TAFA1: variants seen among roughly 807,000 people sequenced by gnomAD.
TAFA1 encodes TAFA chemokine like family member 1, also known as chemokine-like protein TAFA-1.
A neutral mutation model predicts 18.5 loss-of-function variants in TAFA1; 4 were observed. The observed-to-expected ratio is 0.22, with a 90% CI of 0.11 to 0.49. The LOEUF is 0.49. Ranked by LOEUF, TAFA1 falls within the 20% of genes least tolerant of loss-of-function variation. The pLI is 0.98. For synonymous variants in TAFA1, 56 were observed against 55.2 expected, an observed-to-expected ratio of 1.01 and a Z score of -0.06; for missense variants, 147 against 169.0, an observed-to-expected ratio of 0.87 and a Z score of 0.72.
intron 2 of TAFA1, among the ~76,000 whole-genome samples, chr3:68,048,528 A>G (rs896156660): frequency 1.3e-5 from 2 of 152,196 alleles, no homozygotes; most frequent in African/African-American, 4.8e-5. Flanking sequence ...CTGTTGTACT[A>G]TCAAACACTA....
At position 68,202,037 on chromosome 3, in the gene TAFA1, A is replaced by C. The variant is rs912988230; in HGVS notation, c.118+195293A>C. ...AATCACTACTGCAAAAACAGCACCA[A>C]GTCAGCCATGAAAGCAGAAGCCTCA... On this transcript the variant is annotated intron_variant, in intron 2 of 4. Coordinates refer to ENST00000478136, the MANE Select transcript of TAFA1 (RefSeq NM_213609.4). Among the ~76,000 whole-genome samples, 4 of 151,682 alleles carry C rather than the reference A, an allele frequency of 2.6e-5. No individual in the cohort carries two copies. In the South Asian group the frequency reaches 6.2e-4, roughly 24 times the overall value.
chr3:68,320,169 A>C (rs888784886), intron 2 of TAFA1, among the ~76,000 whole-genome samples: 1 of 152,172 alleles, frequency 6.6e-6, no homozygotes, highest in African/African-American at 2.4e-5. Flanking sequence ...GAGATGGTGT[A>C]TGTTTTAAAA....
intron 3 of TAFA1, among the ~76,000 whole-genome samples, chr3:68,488,397 C>CTGA (rs2072387046): frequency 6.6e-6 from 1 of 152,196 alleles, no homozygotes; most frequent in Non-Finnish European, 1.5e-5. Flanking sequence ...GGTGGGTCTA[C>CTGA]CTTCAGTCCA....
intron 3 of TAFA1, among the ~76,000 whole-genome samples, chr3:68,498,380 C>A (rs2668163): frequency 6.6e-6 from 1 of 151,946 alleles, no homozygotes. Context: ...CAAAGATACA[C>A]CTAGGAGGCA....
rs528906116 is a variant in TAFA1, at chr3:68,433,481, C to T, written c.259+16061C>T. Among the ~76,000 whole-genome samples, 422 of 152,192 alleles carry T rather than the reference C, an allele frequency of 2.8e-3. 1 individual carries two copies. Among genetic ancestry groups the T allele is most frequent in the Admixed American group, 4.1e-3 (63 of 15,270 alleles). On this transcript the variant is annotated intron_variant, in intron 3 of 4. Transcript: ENST00000478136. The stretch of plus-strand genomic sequence containing the variant: ...ATCTTGTTCTTCCCTCTTTGGAACA[C>T]AAATTCCCACTTTAAATTACATTTT...
At chr3:68,369,439 A>G (rs1170480004) in intron 2 of TAFA1, among the ~76,000 whole-genome samples, 1 of 152,238 alleles carries the variant, frequency 6.6e-6, no homozygotes, top group Non-Finnish European at 1.5e-5. Flanking sequence ...TTGCAAAGAA[A>G]TCAGGCCTAC....
chr3:68,431,700 G>T (rs1228809848), intron 3 of TAFA1, among the ~76,000 whole-genome samples: 1 of 151,998 alleles, frequency 6.6e-6, no homozygotes, highest in Non-Finnish European at 1.5e-5. Context: ...ACACACAGAG[G>T]CTTGAATTTC....
intron 2 of TAFA1, among the ~76,000 whole-genome samples, chr3:68,166,680 T>C (rs1024401354): frequency 2.0e-5 from 3 of 152,110 alleles, no homozygotes; most frequent in African/African-American, 4.8e-5. Flanking sequence ...AAGCGCATAA[T>C]GGGAGAGCAC....
intron 3 of TAFA1, among the ~76,000 whole-genome samples, chr3:68,488,063 C>T (rs940230464): frequency 1.3e-5 from 2 of 152,028 alleles, no homozygotes; most frequent in African/African-American, 2.4e-5. Flanking sequence ...TACTAGTATG[C>T]GTATGTATTA....
chr3:68,292,258 T>C (rs2068121588), intron 2 of TAFA1, among the ~76,000 whole-genome samples: 1 of 152,072 alleles, frequency 6.6e-6, no homozygotes, highest in African/African-American at 2.4e-5. Flanking sequence ...CTGTCCTCTT[T>C]TCCCAGACCA....
chr3:68,459,522 CT>C (rs745347299), intron 3 of TAFA1, among the ~76,000 whole-genome samples: 6 of 152,074 alleles, frequency 3.9e-5, no homozygotes, highest in Non-Finnish European at 8.8e-5. Flanking sequence ...TCAGACTAAA[CT>C]GTTCATTTTG....
intron 3 of TAFA1, among the ~76,000 whole-genome samples, chr3:68,501,365 C>T (rs1277307583): frequency 6.6e-6 from 1 of 151,884 alleles, no homozygotes; most frequent in Admixed American, 6.6e-5. Flanking sequence ...AATTTGTCAT[C>T]TCAAATCCTT....
At chr3:68,155,051 G>GTTTATTATTA (rs2065850933) in intron 2 of TAFA1, among the ~76,000 whole-genome samples, 1 of 152,100 alleles carries the variant, frequency 6.6e-6, no homozygotes, top group East Asian at 1.9e-4. Flanking sequence ...GTTACGTCAG[G>GTTTATTATTA]CCCATGCCTT....
intron 2 of TAFA1, among the ~76,000 whole-genome samples, chr3:68,308,475 G>A (rs2068458036): frequency 6.6e-6 from 1 of 152,052 alleles, no homozygotes. Flanking sequence ...GTAAGTTGAT[G>A]CCTTTATAAC....
chr3:68,070,108 C>T (rs1324365968), intron 2 of TAFA1, among the ~76,000 whole-genome samples: 1 of 152,214 alleles, frequency 6.6e-6, no homozygotes, highest in African/African-American at 2.4e-5. Flanking sequence ...TGTGTGGGGG[C>T]TCTAATCCTA....
chr3:68,082,225 G>A (rs1004086030), intron 2 of TAFA1, among the ~76,000 whole-genome samples: 9 of 152,202 alleles, frequency 5.9e-5, no homozygotes, highest in Non-Finnish European at 1.0e-4. Context: ...GCACTCCCTA[G>A]TGAGATGAAC....
rs2066725701 is a variant in TAFA1 at position 68,221,199 on chromosome 3, C to T, written c.119-196081C>T. Reference sequence around the variant, plus strand: ...GTAACAAATACTCTTTTGTGGACTTCAGTATTACTGTTGCTCATCTAATTA... The same window carrying T: ...GTAACAAATACTCTTTTGTGGACTTTAGTATTACTGTTGCTCATCTAATTA... On this transcript the variant is annotated intron_variant, in intron 2 of 4. Coordinates refer to ENST00000478136, the MANE Select transcript of TAFA1 (RefSeq NM_213609.4). Among the ~76,000 whole-genome samples, 3 of 152,184 alleles carry T rather than the reference C, an allele frequency of 2.0e-5. No individual in the cohort carries two copies. In the South Asian group the frequency reaches 6.2e-4, roughly 32 times the overall value.
intron 3 of TAFA1, among the ~76,000 whole-genome samples, chr3:68,492,681 T>C (rs2072474418): frequency 6.6e-6 from 1 of 152,172 alleles, no homozygotes; most frequent in South Asian, 2.1e-4. Context: ...ATTTATTTTG[T>C]AGAAAAAAAC....
At chr3:68,399,014 A>G (rs2070436404) in intron 2 of TAFA1, among the ~76,000 whole-genome samples, 1 of 152,188 alleles carries the variant, frequency 6.6e-6, no homozygotes, top group Admixed American at 6.6e-5. Flanking sequence ...ACATTGATCA[A>G]ATGACAATTA....
Sources: gnomAD v4.1 joint callset for allele counts (sites outside exome capture counted in the v4.1 genomes callset) on GRCh38, gnomAD v4.1.1 for gene constraint, MANE v1.5 for transcripts, NCBI Gene and HGNC (gene_info 2026-07-23, HGNC 2026-07-21) for gene names.